CPSF4: variants seen among roughly 807,000 people sequenced by gnomAD.
CPSF4 encodes the protein cleavage and polyadenylation specific factor 4, also known as cleavage and polyadenylation specificity factor subunit 4.
CPSF4 carries 11 observed loss-of-function variants against 37.7 expected under a neutral mutation model. That is an observed-to-expected ratio of 0.29 (90% CI 0.18 to 0.48). The LOEUF is 0.48. Among genes scored for constraint, CPSF4 ranks in the 20% least tolerant of loss-of-function variants. The probability of loss-of-function intolerance (pLI) is 0.99; values close to 1 mark genes in which losing one functional copy is unlikely to be tolerated. For missense variants in CPSF4, 144 were observed against 359.5 expected (o/e 0.40, Z 4.85); for synonymous variants, 132 against 135.9 (o/e 0.97, Z 0.20).
At chr7:99,452,056 G>A (rs1797969778) in intron 5 of CPSF4, among the ~76,000 whole-genome samples, 1 of 152,132 alleles carries the variant, frequency 6.6e-6, no homozygotes, top group African/African-American at 2.4e-5. Flanking sequence ...GGCGCAGCAG[G>A]CACGCACCAG....
Position 99,448,101 on chromosome 7 carries a change from T to C in CPSF4, c.155-20T>C. On this transcript the variant is annotated intron_variant, in intron 2 of 7. Transcript: ENST00000292476. The surrounding 1 kb of genome is among the most constrained non-coding windows in gnomAD (Gnocchi z 4.4). ...CAGGGTGGCCTCTCTGCTGACACCC[T>C]GTCCCTATCTTGCCGGCAGGGGGCA... 6.2e-7 allele frequency: 1 copy of C among 1,612,802 alleles called. No individual in the cohort carries two copies. The highest frequency in any genetic ancestry group is 1.1e-5 in the South Asian group (1 of 90,960).
chr7:99,447,513 A>G (rs967953682), intron 2 of CPSF4, among the ~76,000 whole-genome samples: 5 of 147,558 alleles, frequency 3.4e-5, no homozygotes, highest in Non-Finnish European at 6.0e-5. Context: ...CTCGTGATCT[A>G]CCCACCTCAG....
chr7:99,448,040 G>A lies in CPSF4; in HGVS notation c.155-81G>A. ...GTGGCTCCAGGAGTTAGGAAGTGAA[G>A]GTACCTCAGCTTCTTCAGGCCGTGT... On this transcript the variant is annotated intron_variant, in intron 2 of 7. Coordinates refer to ENST00000292476, the MANE Select transcript of CPSF4 (RefSeq NM_006693.4). The surrounding 1 kb of genome is among the most constrained non-coding windows in gnomAD (Gnocchi z 4.4). The A allele has an allele frequency of 6.9e-7, 1 of 1,456,392 alleles. No individual in the cohort carries two copies. The highest frequency in any genetic ancestry group is 9.5e-7 in the Non-Finnish European group (1 of 1,058,074). 90.2% of individuals were successfully genotyped at this position (1,456,392 alleles called of 1,614,324 possible).
chr7:99,454,184 G>A, intron 7 of CPSF4, 48 bp downstream of exon 7: 1 of 1,520,760 alleles, frequency 6.6e-7, no homozygotes, highest in South Asian at 1.2e-5. Context: ...CTTACCGTCA[G>A]TGGCCATTCC....
At chr7:99,445,470 A>C (rs1377271695) in intron 2 of CPSF4, among the ~76,000 whole-genome samples, 3 of 151,894 alleles carry the variant, frequency 2.0e-5, no homozygotes, top group Non-Finnish European at 4.4e-5. Flanking sequence ...CAAGACATTC[A>C]TTCTTACTTT....
At chr7:99,442,041 A>G (rs868657929) in intron 1 of CPSF4, among the ~76,000 whole-genome samples, 1 of 152,186 alleles carries the variant, frequency 6.6e-6, no homozygotes, top group African/African-American at 2.4e-5. Context: ...TGTGACAGCC[A>G]TAAGTTCTAT....
rs758348263 is a variant in CPSF4 at position 99,456,593 on chromosome 7, T to A, written c.*93T>A. 1 of 1,066,966 alleles carries A rather than the reference T, an allele frequency of 9.4e-7. No individual in the cohort carries two copies. The highest frequency in any genetic ancestry group is 1.5e-5 in the African/African-American group (1 of 64,612). The allele number at this position is 1,066,966 out of a possible 1,614,324, so 66.1% of individuals were successfully genotyped here. ...ATGCGCTTGTTGGCGCGACTGTGGC[T>A]CGAGCTGGCCCGCAGACACGTGGGT... On this transcript the variant is annotated 3_prime_UTR_variant, in exon 8 of 8. Transcript: ENST00000292476.
At chr7:99,444,323 G>A (rs1345746030) in intron 1 of CPSF4, among the ~76,000 whole-genome samples, 1 of 152,082 alleles carries the variant, frequency 6.6e-6, no homozygotes, top group Non-Finnish European at 1.5e-5. Context: ...CAAGCGTGGT[G>A]GCAGGCACCT....
At position 99,448,522 on chromosome 7, in the gene CPSF4, ACTC is replaced by A. The variant is rs886447145; in HGVS notation, c.307+252_307+254del. On this transcript the variant is annotated intron_variant, in intron 3 of 7. Coordinates refer to ENST00000292476, the MANE Select transcript of CPSF4 (RefSeq NM_006693.4). This position sits in a 1 kb window ranked among gnomAD's most constrained non-coding sequence, Gnocchi z 4.4. ...GCTATGTTTCACATACTGGTCTTGAACTCCTGGGCTCGAGTGATCTGCCTGCCT... is the reference window on the plus strand; with the variant it reads ...GCTATGTTTCACATACTGGTCTTGAACTGGGCTCGAGTGATCTGCCTGCCT... 2.9e-6 allele frequency: 1 copy of A among 349,714 alleles called. No individual in the cohort carries two copies. The highest frequency in any genetic ancestry group is 4.9e-5 in the Admixed American group (1 of 20,542). The allele number at this position is 349,714 out of a possible 1,614,324, so 21.7% of individuals were successfully genotyped here.
At chr7:99,440,657 T>TGC (rs1351194130) in intron 1 of CPSF4, among the ~76,000 whole-genome samples, 164 of 93,816 alleles carry the variant, frequency 1.7e-3, no homozygotes, top group African/African-American at 0.013. Context: ...GCACCTGGCA[T>TGC]ATATATATAT....
intron 5 of CPSF4, among the ~76,000 whole-genome samples, chr7:99,451,279 A>AGGGCACATGGTAGCAGGTGG (rs1797915275): frequency 6.6e-6 from 1 of 152,218 alleles, no homozygotes; most frequent in Non-Finnish European, 1.5e-5. Context: ...TCCCTGGCCA[A>AGGGCACATGGTAGCAGGTGG]GGGCACATGG....
chr7:99,448,049 G>C lies in CPSF4; in HGVS notation c.155-72G>C. 1 of 1,526,154 alleles carries C rather than the reference G, an allele frequency of 6.6e-7. No homozygotes were observed. Among genetic ancestry groups the C allele is most frequent in the African/African-American group, 1.4e-5 (1 of 73,200 alleles). The allele number at this position is 1,526,154 out of a possible 1,614,324, so 94.5% of individuals were successfully genotyped here. On this transcript the variant is annotated intron_variant, in intron 2 of 7. Transcript: ENST00000292476. The surrounding 1 kb of genome is among the most constrained non-coding windows in gnomAD (Gnocchi z 4.4). ...GGAGTTAGGAAGTGAAGGTACCTCA[G>C]CTTCTTCAGGCCGTGTCCCCCAGGC...
At chr7:99,452,501 T>C (rs1190218242) in intron 6 of CPSF4, 61 bp downstream of exon 6, 2 of 1,462,396 alleles carry the variant, frequency 1.4e-6, no homozygotes, top group East Asian at 2.3e-5. Context: ...AGAACCTCAG[T>C]GTCCCCCAGG....
chr7:99,445,581 T>G (rs1797421363), intron 2 of CPSF4, among the ~76,000 whole-genome samples: 1 of 152,152 alleles, frequency 6.6e-6, no homozygotes. Flanking sequence ...GCCGGGCTAA[T>G]CCATCAGAAG....
At chr7:99,442,902 T>C (rs1797146553) in intron 1 of CPSF4, 1 of 1,340,828 alleles carries the variant, frequency 7.5e-7, no homozygotes, top group South Asian at 1.2e-5. Flanking sequence ...GCCAAAGCGC[T>C]CTGCTCTTTT....
intron 5 of CPSF4, 98 bp from the exon 6 acceptor site, chr7:99,452,269 TC>T: frequency 9.6e-7 from 1 of 1,043,028 alleles, no homozygotes. Context: ...AGTGTGATTT[TC>T]CTAGGGCTGG....
chr7:99,456,576 G>T lies in CPSF4; in HGVS notation c.*76G>T, dbSNP rs753571540. On this transcript the variant is annotated 3_prime_UTR_variant, in exon 8 of 8. Transcript: ENST00000292476. Reference sequence around the variant, plus strand: ...GTGCATTTAACTGTTTCATGCGCTTGTTGGCGCGACTGTGGCTCGAGCTGG... The same window carrying T: ...GTGCATTTAACTGTTTCATGCGCTTTTTGGCGCGACTGTGGCTCGAGCTGG... 2 of 1,277,156 alleles carry T rather than the reference G, an allele frequency of 1.6e-6. No individual in the cohort carries two copies. Among genetic ancestry groups the T allele is most frequent in the East Asian group, 4.6e-5 (2 of 43,076 alleles). 79.1% of individuals were successfully genotyped at this position (1,277,156 alleles called of 1,614,324 possible).
At chr7:99,452,480 T>C (rs768078821) in intron 6 of CPSF4, 40 bp downstream of exon 6, 72 of 1,571,464 alleles carry the variant, frequency 4.6e-5, no homozygotes, top group Non-Finnish European at 6.2e-5. Flanking sequence ...GGAAGTGCCT[T>C]TTCTACAGCG....
In CPSF4 at chr7:99,450,709, C is replaced by T; in HGVS notation, c.411C>T (p.Leu137=). The T allele has an allele frequency of 6.2e-7, 1 of 1,613,884 alleles. No individual in the cohort carries two copies. The highest frequency in any genetic ancestry group is 8.5e-7 in the Non-Finnish European group (1 of 1,179,756). The change falls in exon 5 of 8, where the codon CTC becomes CTT. Residue 137 remains leucine, a synonymous_variant. Transcript: ENST00000292476. ...YDRGFCKHGP[L]CRHRHTRRVI... ...GGACACTTGGCTCTGCAGGTCCCCT[C>T]TGCAGGCACCGGCACACACGGAGAG...
Sources: allele counts gnomAD v4.1 joint callset (sites outside exome capture counted in the v4.1 genomes callset), GRCh38; gene constraint gnomAD v4.1.1; non-coding constraint Gnocchi (gnomAD v3.1); transcripts MANE v1.5; gene names NCBI Gene and HGNC (gene_info 2026-07-23, HGNC 2026-07-21).